C5: variants seen among roughly 807,000 people sequenced by gnomAD.
C5 encodes the protein C3 and PZP-like alpha-2-macroglobulin domain-containing protein 4.
In C5, 140 loss-of-function variants were observed where a neutral mutation model predicts 218.8. The ratio of observed to expected loss-of-function variants is 0.64; its 90% CI spans 0.56 to 0.74. The LOEUF (loss-of-function observed/expected upper bound fraction) is 0.74. C5 is among the 30% of genes least tolerant of loss of function. C5 has a pLI of 0.00. For synonymous variants in C5, 614 were observed against 682.3 expected (o/e 0.90, Z 1.56); for missense variants, 1,700 against 1,969.6 (o/e 0.86, Z 2.59).
At chr9:121,028,384 C>G (rs1352902953) in intron 7 of C5, among the ~76,000 whole-genome samples, 1 of 152,182 alleles carries the variant, frequency 6.6e-6, no homozygotes, top group Non-Finnish European at 1.5e-5. Flanking sequence ...GCTATAAAGA[C>G]ACATGCACAC....
At chr9:121,002,285 T>C (rs2047175050) in intron 20 of C5, among the ~76,000 whole-genome samples, 1 of 121,052 alleles carries the variant, frequency 8.3e-6, no homozygotes, top group Admixed American at 9.2e-5. Context: ...TATATACGTA[T>C]ATATGTATAT....
chr9:121,056,512 G>A, the C5 span, among the ~76,000 whole-genome samples: 20 of 152,038 alleles, frequency 1.3e-4, no homozygotes, highest in African/African-American at 3.4e-4. Flanking sequence ...TTGTGACTAC[G>A]TATTATTTTA....
chr9:121,024,757 C>T (rs1284822847), intron 9 of C5, among the ~76,000 whole-genome samples: 19 of 152,160 alleles, frequency 1.2e-4, no homozygotes, highest in African/African-American at 4.6e-4. Context: ...TAATATTTTG[C>T]TTAGAGCTCA....
the C5 span, among the ~76,000 whole-genome samples, chr9:121,066,393 T>A: frequency 2.1e-3 from 320 of 150,550 alleles, 6 homozygotes; most frequent in East Asian, 0.035. Flanking sequence ...GAAAACCATA[T>A]GTCAGGCAAG....
intron 7 of C5, among the ~76,000 whole-genome samples, chr9:121,029,078 T>TA (rs1228746698): frequency 6.6e-6 from 1 of 152,196 alleles, no homozygotes; most frequent in Non-Finnish European, 1.5e-5. Context: ...GATCTATTCA[T>TA]AAAAAATTTA....
rs137907915 is a variant in C5 at position 120,981,885 on chromosome 9, C to T, written c.3445G>A (p.Val1149Met). ...TCGAAAGCCTTTCTAATTCCAATCA[C>T]AGTAAAGGCTGTAAGATATAAGCTG... ...ENSLYLTAFTVIGIRKAFDIC... is the reference protein window; with the variant it reads ...ENSLYLTAFTMIGIRKAFDIC... Residue 1149 changes from valine to methionine, a missense_variant, in exon 27 of 41, where the codon GTG becomes ATG. Coordinates refer to ENST00000223642, the MANE Select transcript of C5 (RefSeq NM_001735.3). 1 of 1,613,892 alleles carries T rather than the reference C, an allele frequency of 6.2e-7. No homozygotes were observed. Among genetic ancestry groups the T allele is most frequent in the African/African-American group, 1.3e-5 (1 of 74,912 alleles).
chr9:120,982,599 G>A (rs2047003152), intron 26 of C5, 56 bp downstream of exon 26: 1 of 1,337,928 alleles, frequency 7.5e-7, no homozygotes, highest in Non-Finnish European at 1.1e-6. Flanking sequence ...AATCAGATGA[G>A]AATAAAACTC....
intron 23 of C5, 150 bp downstream of exon 23, chr9:120,991,041 G>A: frequency 3.2e-6 from 2 of 624,298 alleles, no homozygotes; most frequent in Admixed American, 2.6e-5. Flanking sequence ...GTTTGAAAGT[G>A]GGGGTGGGTA....
At chr9:121,043,700 C>CTTTTTTTTT (rs34794535) in intron 2 of C5, among the ~76,000 whole-genome samples, 81 of 120,606 alleles carry the variant, frequency 6.7e-4, no homozygotes, top group Non-Finnish European at 9.2e-4. Context: ...GTCCAGCTAA[C>CTTTTTTTTT]TTTTTTTTTT....
the C5 span, among the ~76,000 whole-genome samples, chr9:121,071,869 A>AAAG: frequency 0.74 from 111,986 of 151,666 alleles, 41,738 homozygotes; most frequent in East Asian, 0.93. Context: ...TTTGGAAAAA[A>AAAG]GACTGAGTAA....
At chr9:121,073,309 G>C in the C5 span, among the ~76,000 whole-genome samples, 1 of 152,072 alleles carries the variant, frequency 6.6e-6, no homozygotes. Context: ...TGCACAAGTT[G>C]TTCCCTTTGC....
chr9:121,060,565 GT>G, the C5 span, among the ~76,000 whole-genome samples: 3 of 151,710 alleles, frequency 2.0e-5, no homozygotes, highest in Non-Finnish European at 2.9e-5. Flanking sequence ...TAAAGTCTCT[GT>G]TTTTTACAAG....
At chr9:120,967,618 G>A (rs77617771) in intron 33 of C5, among the ~76,000 whole-genome samples, 8,793 of 152,268 alleles carry the variant, frequency 0.058, 304 homozygotes, top group Middle Eastern at 0.092. Flanking sequence ...CAGGGAAGAA[G>A]TCTGTGTTTC....
chr9:121,015,307 TA>T (rs767790043), intron 15 of C5, 46 bp from the exon 16 acceptor site: 15 of 1,323,910 alleles, frequency 1.1e-5, no homozygotes, highest in Non-Finnish European at 1.6e-5. Flanking sequence ...AAAAAGGAGA[TA>T]AAATCTCAAA....
chr9:121,040,315 T>A (rs1285970077), intron 3 of C5, among the ~76,000 whole-genome samples: 1 of 152,084 alleles, frequency 6.6e-6, no homozygotes, highest in African/African-American at 2.4e-5. Flanking sequence ...CAGTTTGGCT[T>A]GTGTCTATAG....
chr9:120,990,558 G>C (rs1366432272), intron 23 of C5, among the ~76,000 whole-genome samples: 1 of 152,126 alleles, frequency 6.6e-6, no homozygotes, highest in Non-Finnish European at 1.5e-5. Context: ...TATAGACGAG[G>C]TAAGAGGAAG....
chr9:120,952,851 T>C lies in C5; in HGVS notation c.4919A>G (p.Asp1640Gly). The C allele has an allele frequency of 4.3e-6, 7 of 1,613,976 alleles. No homozygotes were observed. The highest frequency in any genetic ancestry group is 5.9e-6 in the Non-Finnish European group (7 of 1,179,926). The stretch of plus-strand genomic sequence containing the variant: ...CCAGTATTCAATCCAGGTCAAGGAA[T>C]CTAAAGGGTAGATGTACCTACCAAG... ...NFSFRYIYPL[D>G]SLTWIEYWPR... Residue 1640 changes from aspartate to glycine, a missense_variant, in exon 41 of 41, where the codon GAT becomes GGT. Transcript: ENST00000223642.
Position 121,023,434 on chromosome 9 carries a change from G to A in C5, c.1086C>T (p.Phe362=), listed in dbSNP as rs1442102807. 6.2e-7 allele frequency: 1 copy of A among 1,612,900 alleles called. No individual in the cohort carries two copies. The highest frequency in any genetic ancestry group is 8.5e-7 in the Non-Finnish European group (1 of 1,178,866). ...YKLNLVATPL[F]LKPGIPYPIK... ...TGGGATATGGAATCCCAGGCTTCAGGAAAAGAGGAGTAGCAACCAAATTCA... is the reference window on the plus strand; with the variant it reads ...TGGGATATGGAATCCCAGGCTTCAGAAAAAGAGGAGTAGCAACCAAATTCA... The change falls in exon 10 of 41, where the codon TTC becomes TTT. Residue 362 remains phenylalanine (F), a synonymous_variant. Coordinates refer to ENST00000223642, the MANE Select transcript of C5 (RefSeq NM_001735.3).
chr9:121,023,125 A>G (rs986364927), intron 10 of C5, among the ~76,000 whole-genome samples: 1 of 152,244 alleles, frequency 6.6e-6, no homozygotes, highest in Non-Finnish European at 1.5e-5. Context: ...TTTTATTTAC[A>G]TATAATTTAA....
Sources: gnomAD v4.1 joint callset for allele counts (sites outside exome capture counted in the v4.1 genomes callset) on GRCh38, gnomAD v4.1.1 for gene constraint, MANE v1.5 for transcripts, NCBI Gene and HGNC (gene_info 2026-07-23, HGNC 2026-07-21) for gene names.